PRKAA1: variants seen among roughly 807,000 people sequenced by gnomAD.
PRKAA1 encodes protein kinase AMP-activated catalytic subunit alpha 1.
PRKAA1 carries 23 observed loss-of-function variants against 56.9 expected under a neutral mutation model. The observed-to-expected ratio is 0.40, with a 90% confidence interval of 0.29 to 0.57. The LOEUF (loss-of-function observed/expected upper bound fraction) is 0.57. Among genes scored for constraint, PRKAA1 ranks in the 20% least tolerant of loss-of-function variants. The pLI, the probability that PRKAA1 is intolerant of heterozygous loss-of-function variation, is 0.39. For synonymous variants in PRKAA1, 226 were observed against 227.0 expected, an observed-to-expected ratio of 1.00 and a Z score of 0.04; for missense variants, 413 against 679.7, an observed-to-expected ratio of 0.61 and a Z score of 4.36.
chr5:40,768,934 G>A (rs1382546539), intron 5 of PRKAA1: 3 of 1,524,264 alleles, frequency 2.0e-6, no homozygotes, highest in South Asian at 1.1e-5. Context: ...TAATATTGCA[G>A]TCTCTAAAAG....
At chr5:40,766,756 G>A (rs62356519) in intron 6 of PRKAA1, among the ~76,000 whole-genome samples, 17,290 of 152,090 alleles carry the variant, frequency 0.11, 1,321 homozygotes, top group Non-Finnish European at 0.17. Context: ...CCCAACACTG[G>A]GAGGGAAAGG....
At position 40,792,790 on chromosome 5, in the gene PRKAA1, T is replaced by C. The variant is rs6889131; in HGVS notation, c.127+5273A>G. 8.5e-3 allele frequency among the ~76,000 whole-genome samples: 1,299 copies of C among 152,176 alleles called. 13 individuals are homozygous for C. The highest frequency in any genetic ancestry group is 0.028 in the African/African-American group (1,178 of 41,534). ...AATACTTACGAACTTAGGCCAAGCA[T>C]GGTGGCTCATGCCTGTAATCCCAGC... On this transcript the variant is annotated intron_variant, in intron 1 of 8. Transcript: ENST00000397128.
chr5:40,792,858 T>C (rs546933921), intron 1 of PRKAA1, among the ~76,000 whole-genome samples: 22 of 150,814 alleles, frequency 1.5e-4, no homozygotes, highest in African/African-American at 5.1e-4. Flanking sequence ...AGGTCAGGAG[T>C]TCGAGACTAA....
chr5:40,765,814 T>C (rs969495586), intron 6 of PRKAA1, among the ~76,000 whole-genome samples: 67 of 152,284 alleles, frequency 4.4e-4, no homozygotes, highest in African/African-American at 1.5e-3. Flanking sequence ...ACCAGGATTA[T>C]GACCCAGTTC....
Position 40,767,705 on chromosome 5 carries a change from A to G in PRKAA1, c.597-15T>C, listed in dbSNP as rs200701463. ...CTGCATACAATCTGTAACAGGAAAT[A>G]ACAATTGGATTAAAGAATCATTTTA... On this transcript the variant is annotated splice_polypyrimidine_tract_variant and intron_variant, in intron 5 of 8. Coordinates refer to ENST00000397128, the MANE Select transcript of PRKAA1 (RefSeq NM_006251.6). The G allele has an allele frequency of 1.0e-3, 1,610 of 1,562,966 alleles. 1 individual carries two copies. Among genetic ancestry groups the G allele is most frequent in the Non-Finnish European group, 1.3e-3 (1,493 of 1,141,076 alleles).
chr5:40,765,203 T>C lies in PRKAA1; in HGVS notation c.857A>G (p.Tyr286Cys). 6.2e-7 allele frequency: 1 copy of C among 1,613,830 alleles called. No individual in the cohort carries two copies. Among genetic ancestry groups the C allele is most frequent in the Non-Finnish European group, 8.5e-7 (1 of 1,179,790 alleles). The change falls in exon 7 of 9, where the codon TAT (tyrosine) becomes TGT (cysteine). Residue 286 changes from tyrosine (Y) to cysteine (C), a missense_variant. Tyr to Cys is a radical substitution (Grantham distance 194). Transcript: ENST00000397128. The part of the protein sequence containing the change: ...HEWFKQDLPK[Y>C]LFPEDPSYSS... ...ATATGATGGATCCTCAGGAAAGAGA[T>C]ATTTTGGAAGGTCCTGTTTAAACCA...
intron 3 of PRKAA1, among the ~76,000 whole-genome samples, chr5:40,774,549 ATTTTTT>A (rs34814119): frequency 3.2e-5 from 4 of 125,084 alleles, no homozygotes; most frequent in African/African-American, 6.2e-5. Context: ...TCCAGGCAGA[ATTTTTT>A]TTTTTTTTTT....
chr5:40,781,149 C>G (rs1744251305), intron 1 of PRKAA1, among the ~76,000 whole-genome samples: 1 of 152,126 alleles, frequency 6.6e-6, no homozygotes, highest in African/African-American at 2.4e-5. Context: ...TTTAATCTTT[C>G]ATGATTCTGA....
intron 2 of PRKAA1, 62 bp from the exon 3 acceptor site, chr5:40,775,565 AT>A: frequency 7.6e-7 from 1 of 1,319,608 alleles, no homozygotes; most frequent in Non-Finnish European, 1.1e-6. Flanking sequence ...TTCAATAAAT[AT>A]TTACTAAGCA....
At chr5:40,779,213 A>G (rs955845593) in intron 1 of PRKAA1, among the ~76,000 whole-genome samples, 2 of 151,824 alleles carry the variant, frequency 1.3e-5, no homozygotes, top group African/African-American at 4.8e-5. Flanking sequence ...TGGGTTTAGG[A>G]CATAATCCCA....
intron 1 of PRKAA1, among the ~76,000 whole-genome samples, chr5:40,793,138 A>T (rs2112105253): frequency 6.6e-6 from 1 of 152,278 alleles, no homozygotes; most frequent in Non-Finnish European, 1.5e-5. Context: ...TAAATAACTC[A>T]TTTGCCGAAG....
chr5:40,768,469 T>C, intron 5 of PRKAA1: 2 of 929,704 alleles, frequency 2.2e-6, no homozygotes, highest in Non-Finnish European at 2.6e-6. Flanking sequence ...CCTAAAAGAA[T>C]TAAGATAGAC....
At chr5:40,771,122 A>G (rs1054054016) in intron 4 of PRKAA1, among the ~76,000 whole-genome samples, 2 of 152,202 alleles carry the variant, frequency 1.3e-5, no homozygotes, top group Non-Finnish European at 2.9e-5. Context: ...TACTGGAAAT[A>G]AAGCTGCTAC....
rs1743123818 is a variant in PRKAA1 at position 40,760,302 on chromosome 5, ATT to A, written c.*2474_*2475del. 1 of 152,700 alleles carries A rather than the reference ATT, an allele frequency of 6.5e-6. No individual in the cohort carries two copies. The highest frequency in any genetic ancestry group is 2.4e-5 in the African/African-American group (1 of 41,464). The allele number at this position is 152,700 out of a possible 1,614,324, so 9.5% of individuals were successfully genotyped here. ...ATCATACTATTTATAGAAGTGCAAT[ATT>A]TAAATATTTTCAAAATAAAACACAG... On this transcript the variant is annotated 3_prime_UTR_variant, in exon 9 of 9. Coordinates refer to ENST00000397128, the MANE Select transcript of PRKAA1 (RefSeq NM_006251.6).
At chr5:40,786,819 A>C in intron 1 of PRKAA1, among the ~76,000 whole-genome samples, 1 of 135,992 alleles carries the variant, frequency 7.4e-6, no homozygotes, top group Admixed American at 7.6e-5. Flanking sequence ...AAAAGCTGCC[A>C]GTGGTGGTGC....
Position 40,798,044 on chromosome 5 carries a change from A to G in PRKAA1, c.127+19T>C, listed in dbSNP as rs1199605945. Reference sequence around the variant, plus strand: ...CGGCTCCTCAGCTGGGGCCAAGCCTAGTCCCGCGGGGTTCTCACCCTTCAC... The same window carrying G: ...CGGCTCCTCAGCTGGGGCCAAGCCTGGTCCCGCGGGGTTCTCACCCTTCAC... On this transcript the variant is annotated intron_variant, in intron 1 of 8. Transcript: ENST00000397128. 8 of 1,605,622 alleles carry G rather than the reference A, an allele frequency of 5.0e-6. No homozygotes were observed. The highest frequency in any genetic ancestry group is 6.8e-6 in the Non-Finnish European group (8 of 1,175,264).
At position 40,784,471 on chromosome 5, in the gene PRKAA1, A is replaced by G. The variant is rs140892313; in HGVS notation, c.128-6885T>C. ...TTTGGTTAATGTTCAACAGATTACT[A>G]TCAGACATATATACACATAACACCA... On this transcript the variant is annotated intron_variant, in intron 1 of 8. Transcript: ENST00000397128. 4.2e-3 allele frequency among the ~76,000 whole-genome samples: 636 copies of G among 152,264 alleles called. 4 individuals are homozygous for G. Among genetic ancestry groups the G allele is most frequent in the African/African-American group, 0.015 (610 of 41,564 alleles).
chr5:40,777,705 G>C, intron 1 of PRKAA1, 119 bp from the exon 2 acceptor site: 1 of 932,662 alleles, frequency 1.1e-6, no homozygotes. Flanking sequence ...AGGCCGAGGC[G>C]AGTAGATCAC....
chr5:40,797,185 C>T (rs1360571960), intron 1 of PRKAA1, among the ~76,000 whole-genome samples: 2 of 152,206 alleles, frequency 1.3e-5, no homozygotes. Context: ...GTGTACCCGT[C>T]ACCCGAATGC....
Sources: allele counts gnomAD v4.1 joint callset (sites outside exome capture counted in the v4.1 genomes callset), GRCh38; gene constraint gnomAD v4.1.1; transcripts MANE v1.5; gene names NCBI Gene and HGNC (gene_info 2026-07-23, HGNC 2026-07-21).